Variants in GULP1 observed in about 807,000 individuals in gnomAD.
The protein encoded by GULP1 is PTB domain-containing engulfment adapter protein 1.
Under a neutral mutation model 40.9 loss-of-function variants are expected in GULP1, and 19 were observed. The observed-to-expected ratio is 0.46, with a 90% CI of 0.32 to 0.68. The LOEUF is 0.68. Among genes scored for constraint, GULP1 ranks in the 30% least tolerant of loss-of-function variants. The probability of loss-of-function intolerance (pLI) is 0.03; values close to 1 mark genes in which losing one functional copy is unlikely to be tolerated. For synonymous variants in GULP1, 119 were observed against 117.6 expected (o/e 1.01, Z -0.08); for missense variants, 312 against 362.2 (o/e 0.86, Z 1.12).
At chr2:188,469,409 A>T (rs2060401862) in intron 2 of GULP1, among the ~76,000 whole-genome samples, 1 of 152,180 alleles carries the variant, frequency 6.6e-6, no homozygotes, top group South Asian at 2.1e-4. Flanking sequence ...TCTCACATTG[A>T]TATAAAAAGA....
At chr2:188,409,428 G>C (rs979548575) in intron 2 of GULP1, among the ~76,000 whole-genome samples, 1 of 152,048 alleles carries the variant, frequency 6.6e-6, no homozygotes, top group East Asian at 1.9e-4. Context: ...AATCTGAACA[G>C]ACCAATAATG....
chr2:188,546,880 ACT>A (rs1692105770), intron 7 of GULP1, among the ~76,000 whole-genome samples: 1 of 151,940 alleles, frequency 6.6e-6, no homozygotes, highest in Non-Finnish European at 1.5e-5. Flanking sequence ...TTCACTACAG[ACT>A]CTCTGAATAT....
At chr2:188,308,819 T>C (rs1376545672) in intron 1 of GULP1, among the ~76,000 whole-genome samples, 1 of 152,202 alleles carries the variant, frequency 6.6e-6, no homozygotes, top group African/African-American at 2.4e-5. Context: ...TTTTCTTGAA[T>C]GTAAAATGAA....
chr2:188,356,300 A>T (rs2045307679), intron 1 of GULP1, among the ~76,000 whole-genome samples: 1 of 152,102 alleles, frequency 6.6e-6, no homozygotes, highest in Non-Finnish European at 1.5e-5. Context: ...TAAAGCCTCC[A>T]CCAAAAAATT....
At chr2:188,307,174 T>C (rs2037235902) in intron 1 of GULP1, among the ~76,000 whole-genome samples, 1 of 152,206 alleles carries the variant, frequency 6.6e-6, no homozygotes, top group Non-Finnish European at 1.5e-5. Context: ...TATGTTTAAA[T>C]TTTACAGTAT....
chr2:188,351,970 T>A (rs72909509), intron 1 of GULP1, among the ~76,000 whole-genome samples: 1,736 of 152,332 alleles, frequency 0.011, 14 homozygotes, highest in Non-Finnish European at 0.02. Flanking sequence ...TATCCCATTT[T>A]TTTTTGTCTG....
intron 1 of GULP1, among the ~76,000 whole-genome samples, chr2:188,329,551 G>A (rs1160200548): frequency 6.6e-6 from 1 of 152,038 alleles, no homozygotes; most frequent in Non-Finnish European, 1.5e-5. Flanking sequence ...GAGAGAAGTA[G>A]GAAATTAAGT....
At chr2:188,530,602 C>T (rs1449460143) in intron 6 of GULP1, among the ~76,000 whole-genome samples, 1 of 152,108 alleles carries the variant, frequency 6.6e-6, no homozygotes, top group Non-Finnish European at 1.5e-5. Flanking sequence ...GGGATACGTA[C>T]ACTCAGAGTA....
At chr2:188,333,395 A>G (rs1481266969) in intron 1 of GULP1, among the ~76,000 whole-genome samples, 1 of 152,118 alleles carries the variant, frequency 6.6e-6, no homozygotes, top group African/African-American at 2.4e-5. Context: ...GCAGGTGACA[A>G]TATTTTGGGC....
At chr2:188,544,725 A>C (rs931712208) in intron 7 of GULP1, among the ~76,000 whole-genome samples, 1 of 152,112 alleles carries the variant, frequency 6.6e-6, no homozygotes, top group Middle Eastern at 3.4e-3. Context: ...CCAACAAAAC[A>C]GAACCTCATG....
At chr2:188,471,086 C>G (rs941169526) in intron 2 of GULP1, among the ~76,000 whole-genome samples, 2 of 152,036 alleles carry the variant, frequency 1.3e-5, no homozygotes, top group Non-Finnish European at 2.9e-5. Flanking sequence ...CTGAATTGAC[C>G]ACTTCATTAT....
chr2:188,463,599 T>A (rs1168099747), intron 2 of GULP1, among the ~76,000 whole-genome samples: 1 of 152,128 alleles, frequency 6.6e-6, no homozygotes, highest in Non-Finnish European at 1.5e-5. Flanking sequence ...TACTCCTATC[T>A]TTTTCTCTAC....
rs767227219 is a variant in GULP1, at chr2:188,359,163, T to C, written c.-171-24600T>C. Reference sequence around the variant, plus strand: ...ATCTTTAGATACGTGTTTCAAAGTATCTGTAAGCTGATATGCCTCCATTCT... The same window carrying C: ...ATCTTTAGATACGTGTTTCAAAGTACCTGTAAGCTGATATGCCTCCATTCT... On this transcript the variant is annotated intron_variant, in intron 1 of 11. Coordinates refer to ENST00000409830, the MANE Select transcript of GULP1 (RefSeq NM_016315.4). Among the ~76,000 whole-genome samples the C allele has an allele frequency of 2.6e-5, 4 of 152,158 alleles. No individual in the cohort carries two copies. In the South Asian group the frequency reaches 8.3e-4, roughly 32 times the overall value.
chr2:188,582,704 C>A, intron 9 of GULP1: 1 of 346,162 alleles, frequency 2.9e-6, no homozygotes, highest in South Asian at 2.3e-5. Context: ...CCTTTGTGTG[C>A]CATTGTTGTT....
chr2:188,585,238 C>G (rs1263899743), intron 10 of GULP1, among the ~76,000 whole-genome samples: 1 of 152,174 alleles, frequency 6.6e-6, no homozygotes, highest in Non-Finnish European at 1.5e-5. Flanking sequence ...GGGTACAGCC[C>G]CCATAGCTGT....
At chr2:188,513,588 A>C (rs2064835974) in intron 4 of GULP1, among the ~76,000 whole-genome samples, 1 of 152,054 alleles carries the variant, frequency 6.6e-6, no homozygotes, top group Admixed American at 6.6e-5. Flanking sequence ...GTTGATGCTT[A>C]TTTTCATTGA....
chr2:188,440,457 A>C (rs148624863), intron 2 of GULP1, among the ~76,000 whole-genome samples: 1 of 152,192 alleles, frequency 6.6e-6, no homozygotes, highest in Admixed American at 6.5e-5. Context: ...GTTTGTTTTG[A>C]TATTGTAGTA....
intron 5 of GULP1, among the ~76,000 whole-genome samples, chr2:188,528,774 A>G (rs558199972): frequency 6.6e-6 from 1 of 152,272 alleles, no homozygotes; most frequent in African/African-American, 2.4e-5. Context: ...TCACAGAAAA[A>G]CAAACTGATC....
intron 1 of GULP1, among the ~76,000 whole-genome samples, chr2:188,313,783 A>G (rs1484998925): frequency 1.3e-5 from 2 of 151,744 alleles, no homozygotes; most frequent in Non-Finnish European, 2.9e-5. Context: ...ATCCTCTTTT[A>G]TTTCTCTTTT....
Sources: allele counts gnomAD v4.1 joint callset (sites outside exome capture counted in the v4.1 genomes callset), GRCh38; gene constraint gnomAD v4.1.1; transcripts MANE v1.5; gene names NCBI Gene and HGNC (gene_info 2026-07-23, HGNC 2026-07-21).